C1GALT1C1: variants seen among roughly 807,000 people sequenced by gnomAD.
C1GALT1C1 encodes C1GALT1-specific chaperone 1.
For synonymous variants in C1GALT1C1, 77 were observed against 77.9 expected (o/e 0.99, Z 0.06); for missense variants, 176 against 234.7 (o/e 0.75, Z 1.63).
chrX:120,626,857 T>C lies in C1GALT1C1; in HGVS notation c.310A>G (p.Asn104Asp), dbSNP rs1309707712. 2 of 1,211,438 alleles carry C rather than the reference T, an allele frequency of 1.7e-6. No individual in the cohort carries two copies. Among genetic ancestry groups the C allele is most frequent in the Non-Finnish European group, 2.2e-6 (2 of 895,438 alleles). ...CDKAEFFSSENVKVFESINMD... is the reference protein window; with the variant it reads ...CDKAEFFSSEDVKVFESINMD... ...TTAATTGACTCAAACACTTTAACATTTTCAGAACTGAAGAACTCTGCTTTG... is the reference window on the plus strand; with the variant it reads ...TTAATTGACTCAAACACTTTAACATCTTCAGAACTGAAGAACTCTGCTTTG... The change falls in exon 2 of 2, where the codon AAT (asparagine) becomes GAT (aspartate). Residue 104 changes from asparagine (N) to aspartate (D), a missense_variant. Physicochemically the swap from Asn to Asp is conservative, Grantham distance 23 (BLOSUM62 1). Coordinates refer to ENST00000304661, the MANE Select transcript of C1GALT1C1 (RefSeq NM_001011551.3).
Position 120,627,052 on chromosome X carries a change from G to C in C1GALT1C1, c.115C>G (p.His39Asp). Residue 39 changes from histidine to aspartate, a missense_variant, in exon 2 of 2, where the codon CAT becomes GAT. By Grantham distance (81) the His-to-Asp change is moderately conservative. Coordinates refer to ENST00000304661, the MANE Select transcript of C1GALT1C1 (RefSeq NM_001011551.3). ...GGAGCTTGTAGGTGATGATGCTCAT[G>C]GTGGTGCATTCTATTTCCATGACCA... ...RIGHGNRMHHHEHHHLQAPNK... is the reference protein window; with the variant it reads ...RIGHGNRMHHDEHHHLQAPNK... 1 of 1,210,325 alleles carries C rather than the reference G, an allele frequency of 8.3e-7. No homozygotes were observed.
rs935427424 is a variant in C1GALT1C1, at chrX:120,629,953, C to A, written c.-42G>T. 2.7e-5 allele frequency: 3 copies of A among 112,423 alleles called. No homozygotes were observed. Among genetic ancestry groups the A allele is most frequent in the Non-Finnish European group, 5.6e-5 (3 of 53,156 alleles). The allele number at this position is 112,423 out of a possible 1,213,427, so 9.3% of individuals were successfully genotyped here. On this transcript the variant is annotated 5_prime_UTR_variant, in exon 1 of 2. Transcript: ENST00000304661. ...ACGGCTTGGGGACAGGAAAGCGCAG[C>A]CGCGCACGGGTTTCCTCTCACGTTG...
intron 1 of C1GALT1C1, among the ~76,000 whole-genome samples, chrX:120,628,858 C>T (rs1469538261): frequency 9.0e-6 from 1 of 111,628 alleles, no homozygotes; most frequent in Non-Finnish European, 1.9e-5. Context: ...GAAGACTTTC[C>T]TGTGTCACTC....
rs1238391534 is a variant in C1GALT1C1 at position 120,627,791 on chromosome X, T to C, written c.-5-620A>G. On this transcript the variant is annotated intron_variant, in intron 1 of 1. Transcript: ENST00000304661. ...TACAGTATCCCAACTATTGATGTAA[T>C]AGAAGCCCATAATAAAAAGTTACAT... 5.3e-5 allele frequency among the ~76,000 whole-genome samples: 6 copies of C among 112,257 alleles called. 1 individual carries two copies. Among genetic ancestry groups the C allele is most frequent in the Admixed American group, 4.7e-4 (5 of 10,528 alleles).
rs1015681729 is a variant in C1GALT1C1 at position 120,626,855 on chromosome X, A to G, written c.312T>C (p.Asn104=). ...CDKAEFFSSE[N]VKVFESINMD... Reference sequence around the variant, plus strand: ...TATTAATTGACTCAAACACTTTAACATTTTCAGAACTGAAGAACTCTGCTT... The same window carrying G: ...TATTAATTGACTCAAACACTTTAACGTTTTCAGAACTGAAGAACTCTGCTT... The change falls in exon 2 of 2, where the codon AAT becomes AAC. Residue 104 remains asparagine, a synonymous_variant. Transcript: ENST00000304661. The G allele has an allele frequency of 1.7e-6, 2 of 1,210,902 alleles. No homozygotes were observed. Among genetic ancestry groups the G allele is most frequent in the Non-Finnish European group, 2.2e-6 (2 of 895,283 alleles).
At chrX:120,627,192 C>A in intron 1 of C1GALT1C1, 21 bp from the exon 2 acceptor site, 1 of 988,949 alleles carries the variant, frequency 1.0e-6, no homozygotes, top group Non-Finnish European at 1.4e-6. Flanking sequence ...GAAAAAGACT[C>A]TTAAAATACT....
chrX:120,629,217 G>C (rs1288502896), intron 1 of C1GALT1C1, among the ~76,000 whole-genome samples: 1 of 106,950 alleles, frequency 9.4e-6, no homozygotes, highest in East Asian at 2.9e-4. Context: ...GGCAACAAGA[G>C]CGAGACTCTG....
chrX:120,629,696 G>A (rs1200127332), intron 1 of C1GALT1C1, among the ~76,000 whole-genome samples: 1 of 112,038 alleles, frequency 8.9e-6, no homozygotes, highest in African/African-American at 3.2e-5. Context: ...GGGAAGAGAA[G>A]TGAGAGGGAG....
In C1GALT1C1 at chrX:120,626,416, C is replaced by T. The variant is rs780072842; in HGVS notation, c.751G>A (p.Val251Ile). The T allele has an allele frequency of 6.6e-6, 8 of 1,210,912 alleles. No individual in the cohort carries two copies. The highest frequency in any genetic ancestry group is 8.9e-6 in the Non-Finnish European group (8 of 895,218). Residue 251 changes from valine (V) to isoleucine (I), a missense_variant, in exon 2 of 2, where the codon GTT becomes ATT. Physicochemically the swap from Val to Ile is conservative, Grantham distance 29. Transcript: ENST00000304661. ...ATTGCCTCTTTAATAGAAAGCCCAA[C>T]AGATTTGGTATTAAATACATCTTTT... is the stretch of plus-strand genomic sequence containing the variant. ...DGKDVFNTKS[V>I]GLSIKEAMTY...
rs772572968 is a variant in C1GALT1C1 at position 120,626,489 on chromosome X, G to A, written c.678C>T (p.Cys226=). 2 of 1,211,691 alleles carry A rather than the reference G, an allele frequency of 1.7e-6. No homozygotes were observed. The highest frequency in any genetic ancestry group is 1.8e-5 in the South Asian group (1 of 57,015). ...CTGCAAATACTCCAGCATATTTCAG[G>A]CAAACTGCTAGCTGTTTATCTTCAG... ...KISEDKQLAV[C]LKYAGVFAEN... The change falls in exon 2 of 2, where the codon TGC becomes TGT. Residue 226 remains cysteine, a synonymous_variant. Coordinates refer to ENST00000304661, the MANE Select transcript of C1GALT1C1 (RefSeq NM_001011551.3).
rs1163119349 is a variant in C1GALT1C1 at position 120,626,328 on chromosome X, C to T, written c.839G>A (p.Gly280Glu). The T allele has an allele frequency of 3.3e-6, 4 of 1,211,023 alleles. No homozygotes were observed. In the African/African-American group the frequency reaches 5.2e-5, roughly 16 times the overall value. ...CCSDMAVTFN[G>E]LTPNQMHVMM... ...CACATGCATCTGATTTGGAGTCAGT[C>T]CATTAAAAGTAACAGCCATATCTGA... Residue 280 changes from glycine (G) to glutamate (E), a missense_variant, in exon 2 of 2, where the codon GGA (glycine) becomes GAA (glutamate). By Grantham distance (98) the Gly-to-Glu change is moderately conservative. Transcript: ENST00000304661.
At position 120,626,459 on chromosome X, in the gene C1GALT1C1, A is replaced by G. The variant is rs1189243499; in HGVS notation, c.708T>C (p.Asn236=). ...CLKYAGVFAE[N]AEDADGKDVF... is the part of the protein sequence containing the mutation. ...CATCTTTTCCATCAGCATCTTCTGC[A>G]TTTTCTGCAAATACTCCAGCATATT... Residue 236 remains asparagine, a synonymous_variant, in exon 2 of 2, where the codon AAT becomes AAC. Coordinates refer to ENST00000304661, the MANE Select transcript of C1GALT1C1 (RefSeq NM_001011551.3). 1.7e-6 allele frequency: 2 copies of G among 1,211,751 alleles called. No homozygotes were observed. Among genetic ancestry groups the G allele is most frequent in the Admixed American group, 4.3e-5 (2 of 46,010 alleles).
chrX:120,627,542 A>G, intron 1 of C1GALT1C1: 1 of 121,696 alleles, frequency 8.2e-6, no homozygotes, highest in Non-Finnish European at 1.7e-5. Flanking sequence ...CTAAAAATAT[A>G]GTGAACTTTT....
chrX:120,626,974 T>C lies in C1GALT1C1; in HGVS notation c.193A>G (p.Lys65Glu). The C allele has an allele frequency of 1.7e-6, 2 of 1,211,225 alleles. No individual in the cohort carries two copies. Among genetic ancestry groups the C allele is most frequent in the Non-Finnish European group, 2.2e-6 (2 of 895,232 alleles). The change falls in exon 2 of 2, where the codon AAG (lysine) becomes GAG (glutamate). Residue 65 changes from lysine (K) to glutamate (E), a missense_variant. Coordinates refer to ENST00000304661, the MANE Select transcript of C1GALT1C1 (RefSeq NM_001011551.3). ...ATAATACAGTATACTCGAAAGCTCT[T>C]ACTGAGCTCCATGCGCTCATCCTCT... is the stretch of plus-strand genomic sequence containing the variant. ...ISEDERMELS[K>E]SFRVYCIILV...
chrX:120,625,946 TATA>T lies in C1GALT1C1; in HGVS notation c.*261_*263del, dbSNP rs774933003. 231 of 252,137 alleles carry T rather than the reference TATA, an allele frequency of 9.2e-4. 1 individual carries two copies. Among genetic ancestry groups the T allele is most frequent in the Admixed American group, 2.1e-3 (35 of 16,731 alleles). 20.8% of individuals were successfully genotyped at this position (252,137 alleles called of 1,213,427 possible). ...TGTTCATAATTTAGAATTTATCACA[TATA>T]ATATTTATTAATAGTTTATTTGCAA... On this transcript the variant is annotated 3_prime_UTR_variant, in exon 2 of 2. Coordinates refer to ENST00000304661, the MANE Select transcript of C1GALT1C1 (RefSeq NM_001011551.3).
rs758473662 is a variant in C1GALT1C1 at position 120,626,183 on chromosome X, A to T, written c.*27T>A. On this transcript the variant is annotated 3_prime_UTR_variant, in exon 2 of 2. Coordinates refer to ENST00000304661, the MANE Select transcript of C1GALT1C1 (RefSeq NM_001011551.3). ...ATGACAACACACGTCCTATACAAAG[A>T]TCATATTCACGCTTTTCTACCACTT... The T allele has an allele frequency of 7.9e-6, 9 of 1,141,476 alleles. No homozygotes were observed. The East Asian group carries it at 2.7e-4, about 34-fold the overall frequency. 94.1% of individuals were successfully genotyped at this position (1,141,476 alleles called of 1,213,427 possible).
chrX:120,626,515 A>G lies in C1GALT1C1; in HGVS notation c.652T>C (p.Ser218Pro). 1.7e-6 allele frequency: 2 copies of G among 1,211,946 alleles called. No individual in the cohort carries two copies. Among genetic ancestry groups the G allele is most frequent in the African/African-American group, 1.7e-5 (1 of 57,863 alleles). Reference sequence around the variant, plus strand: ...CAAACTGCTAGCTGTTTATCTTCAGATATCTTCCAAATCATCCCTCCCTGT... The same window carrying G: ...CAAACTGCTAGCTGTTTATCTTCAGGTATCTTCCAAATCATCCCTCCCTGT... The part of the protein sequence containing the change: ...PEQGGMIWKI[S>P]EDKQLAVCLK... The change falls in exon 2 of 2, where the codon TCT (serine) becomes CCT (proline). Residue 218 changes from serine to proline, a missense_variant. Transcript: ENST00000304661.
At chrX:120,628,816 A>C (rs1208519917) in intron 1 of C1GALT1C1, among the ~76,000 whole-genome samples, 1 of 111,850 alleles carries the variant, frequency 8.9e-6, no homozygotes, top group African/African-American at 3.2e-5. Context: ...TGGCAGATGT[A>C]ATTTCTGAGC....
chrX:120,628,212 C>T (rs1927240753), intron 1 of C1GALT1C1, among the ~76,000 whole-genome samples: 1 of 111,239 alleles, frequency 9.0e-6, no homozygotes, highest in African/African-American at 3.3e-5. Context: ...GGCACTCCAG[C>T]CAGGGCATCA....
Sources: gnomAD v4.1 joint callset for allele counts (sites outside exome capture counted in the v4.1 genomes callset) on GRCh38, gnomAD v4.1.1 for gene constraint, MANE v1.5 for transcripts, NCBI Gene and HGNC (gene_info 2026-07-23, HGNC 2026-07-21) for gene names.